The following PRKCA variants were observed in gnomAD, a reference collection of about 807,000 sequenced individuals.
PRKCA encodes the protein protein kinase C alpha, also known as protein kinase C alpha type.
Under a neutral mutation model 87.0 loss-of-function variants are expected in PRKCA, and 27 were observed. The ratio of observed to expected loss-of-function variants is 0.31; its 90% CI spans 0.23 to 0.43. PRKCA has a LOEUF of 0.43. Among genes scored for constraint, PRKCA ranks in the 20% least tolerant of loss-of-function variants. The probability of loss-of-function intolerance (pLI) is 1.00; values close to 1 mark genes in which losing one functional copy is unlikely to be tolerated. For synonymous variants in PRKCA, 329 were observed against 311.1 expected (o/e 1.06, Z -0.61); for missense variants, 518 against 852.3 (o/e 0.61, Z 4.88).
rs533362811 is a variant in PRKCA, at chr17:66,774,601, A to G, written c.1605+534A>G. 9.1e-6 allele frequency: 9 copies of G among 984,452 alleles called. No homozygotes were observed. In the African/African-American group the frequency reaches 1.6e-4, roughly 17 times the overall value. 61.0% of individuals were successfully genotyped at this position (984,452 alleles called of 1,614,324 possible). ...GTGCCACTGCACTGCAGCCTGGGCAACAGAGTGAGACGGTCTCAAAAAAGA... is the reference window on the plus strand; with the variant it reads ...GTGCCACTGCACTGCAGCCTGGGCAGCAGAGTGAGACGGTCTCAAAAAAGA... On this transcript the variant is annotated intron_variant, in intron 14 of 16. Transcript: ENST00000413366.
intron 2 of PRKCA, among the ~76,000 whole-genome samples, chr17:66,376,618 CA>C (rs1165158792): frequency 3.9e-4 from 54 of 138,658 alleles, no homozygotes; most frequent in Middle Eastern, 3.8e-3. Flanking sequence ...GACTCTGTCT[CA>C]AAAAAAAAAA....
intron 10 of PRKCA, among the ~76,000 whole-genome samples, chr17:66,738,294 C>T (rs1364810097): frequency 1.3e-5 from 2 of 152,326 alleles, no homozygotes; most frequent in South Asian, 2.1e-4. Context: ...GATGTGTTTT[C>T]AGGAGTATCC....
intron 2 of PRKCA, among the ~76,000 whole-genome samples, chr17:66,316,230 G>A (rs1470449121): frequency 6.6e-6 from 1 of 152,124 alleles, no homozygotes; most frequent in Non-Finnish European, 1.5e-5. Context: ...GAACAGATAG[G>A]AAAAATATGT....
At chr17:66,640,120 A>G (rs140661740) in intron 3 of PRKCA, among the ~76,000 whole-genome samples, 121 of 152,328 alleles carry the variant, frequency 7.9e-4, no homozygotes, top group African/African-American at 2.8e-3. Context: ...AGCATTTTAC[A>G]AAGACTGACT....
At chr17:66,787,008 A>G (rs879105594) in intron 15 of PRKCA, 34 bp downstream of exon 15, 1 of 1,431,174 alleles carries the variant, frequency 7.0e-7, no homozygotes. Context: ...GTGATCATGG[A>G]CCAAGAGCTT....
intron 2 of PRKCA, among the ~76,000 whole-genome samples, chr17:66,405,016 C>T (rs1911280398): frequency 1.3e-5 from 2 of 152,148 alleles, no homozygotes; most frequent in South Asian, 4.1e-4. Context: ...TCCCAAAGTG[C>T]TGGGATTACA....
In PRKCA at chr17:66,566,479, G is replaced by GTTT. The variant is rs368602635; in HGVS notation, c.288+70196_288+70197insTTT. ...TTGTGAAGAACTGTTGTTGTTTTTT[G>GTTT]GTTTTTTTTTTTTTTTTTTTTTTGC... On this transcript the variant is annotated intron_variant, in intron 3 of 16. Coordinates refer to ENST00000413366, the MANE Select transcript of PRKCA (RefSeq NM_002737.3). Among the ~76,000 whole-genome samples, 174 of 74,674 alleles carry GTTT rather than the reference G, an allele frequency of 2.3e-3. 9 individuals are homozygous for GTTT. The highest frequency in any genetic ancestry group is 3.4e-3 in the Non-Finnish European group (122 of 35,984). 49.0% of individuals were successfully genotyped at this position (74,674 alleles called of 152,430 possible). A position where few individuals can be genotyped will look rare whatever the true frequency, so the allele number is the denominator to read the frequency against.
intron 13 of PRKCA, among the ~76,000 whole-genome samples, chr17:66,770,908 G>A (rs1207552726): frequency 1.3e-5 from 2 of 152,116 alleles, no homozygotes; most frequent in African/African-American, 4.8e-5. Context: ...AGATAACTGG[G>A]ATAATCTTAA....
rs1972687226 is a variant in PRKCA, at chr17:66,688,384, G to C, written c.769G>C (p.Gly257Arg). ...WDRTTRNDFM[G>R]SLSFGVSELM... is the part of the protein sequence containing the mutation. ...TCGAACAACAAGGAATGACTTCATG[G>C]GATCCCTTTCCTTTGGAGTTTCGGA... Residue 257 changes from glycine to arginine, a missense_variant, in exon 7 of 17, where the codon GGA becomes CGA. By Grantham distance (125) the Gly-to-Arg change is moderately radical (BLOSUM62 -2). Coordinates refer to ENST00000413366, the MANE Select transcript of PRKCA (RefSeq NM_002737.3). 6.2e-7 allele frequency: 1 copy of C among 1,614,068 alleles called. No homozygotes were observed. Among genetic ancestry groups the C allele is most frequent in the South Asian group, 1.1e-5 (1 of 91,082 alleles).
chr17:66,444,062 G>A (rs1455272971), intron 2 of PRKCA, among the ~76,000 whole-genome samples: 5 of 152,126 alleles, frequency 3.3e-5, no homozygotes, highest in Non-Finnish European at 4.4e-5. Flanking sequence ...GGATGATAAG[G>A]ATAAAACCTG....
intron 16 of PRKCA, among the ~76,000 whole-genome samples, chr17:66,798,468 T>TGAC (rs1975743106): frequency 6.2e-5 from 5 of 80,360 alleles, no homozygotes; most frequent in Admixed American, 2.5e-4. Flanking sequence ...GTGGTGGTGG[T>TGAC]GGTGGTGGTG....
rs143858700 is a variant in PRKCA at position 66,782,209 on chromosome 17, G to A, written c.1606-4658G>A. Among the ~76,000 whole-genome samples, 298 of 151,530 alleles carry A rather than the reference G, an allele frequency of 2.0e-3. 1 individual carries two copies. The highest frequency in any genetic ancestry group is 6.5e-3 in the African/African-American group (267 of 41,072). On this transcript the variant is annotated intron_variant, in intron 14 of 16. Coordinates refer to ENST00000413366, the MANE Select transcript of PRKCA (RefSeq NM_002737.3). ...TTATAGGTGTGAGCCACCACACCCA[G>A]CCTGTGTTATATATATTTTATCACA...
At chr17:66,350,653 G>A (rs556041044) in intron 2 of PRKCA, among the ~76,000 whole-genome samples, 1 of 152,172 alleles carries the variant, frequency 6.6e-6, no homozygotes, top group South Asian at 2.1e-4. Context: ...CTCCCAAGTA[G>A]CTGGGACTAT....
chr17:66,802,473 C>T (rs369581301), intron 16 of PRKCA, among the ~76,000 whole-genome samples: 4 of 151,216 alleles, frequency 2.6e-5, no homozygotes, highest in East Asian at 2.0e-4. Flanking sequence ...TACAGTGAGC[C>T]GAGGTCACGC....
intron 2 of PRKCA, among the ~76,000 whole-genome samples, chr17:66,495,855 C>T (rs1026057795): frequency 1.3e-5 from 2 of 152,110 alleles, no homozygotes. Flanking sequence ...AGGCATGAAC[C>T]GCTGTGCCCG....
At chr17:66,474,686 T>C (rs995795657) in intron 2 of PRKCA, among the ~76,000 whole-genome samples, 1 of 152,236 alleles carries the variant, frequency 6.6e-6, no homozygotes, top group Non-Finnish European at 1.5e-5. Context: ...TGTGTTTTAT[T>C]ATACCGGAAG....
intron 8 of PRKCA, among the ~76,000 whole-genome samples, chr17:66,730,742 C>A (rs1973865397): frequency 6.6e-6 from 1 of 152,182 alleles, no homozygotes; most frequent in South Asian, 2.1e-4. Context: ...TTCTTTGTGA[C>A]CTGTATCTTG....
chr17:66,713,484 C>T (rs1193855638), intron 8 of PRKCA, among the ~76,000 whole-genome samples: 2 of 152,180 alleles, frequency 1.3e-5, no homozygotes, highest in East Asian at 1.9e-4. Flanking sequence ...GAAGCAAGGC[C>T]ATCTTGAATT....
At chr17:66,756,555 CA>C (rs143822750) in intron 13 of PRKCA, among the ~76,000 whole-genome samples, 5 of 145,160 alleles carry the variant, frequency 3.4e-5, no homozygotes, top group Non-Finnish European at 3.0e-5. Flanking sequence ...CACTAAATGG[CA>C]AAAAAAAAAG....
Sources: allele counts gnomAD v4.1 joint callset (sites outside exome capture counted in the v4.1 genomes callset), GRCh38; gene constraint gnomAD v4.1.1; transcripts MANE v1.5; gene names NCBI Gene and HGNC (gene_info 2026-07-23, HGNC 2026-07-21).